The following COL14A1 variants were observed in gnomAD, a reference collection of about 807,000 sequenced individuals.
COL14A1 encodes collagen alpha-1(XIV) chain.
COL14A1 carries 136 observed loss-of-function variants against 230.3 expected under a neutral mutation model. That is an observed-to-expected ratio of 0.59 (90% CI 0.51 to 0.68). COL14A1 has a LOEUF of 0.68. COL14A1 is among the 30% of genes least tolerant of loss of function. COL14A1 has a pLI of 0.00. For missense variants in COL14A1, 1,976 were observed against 2,215.8 expected (o/e 0.89, Z 2.17); for synonymous variants, 792 against 784.1 (o/e 1.01, Z -0.17).
chr8:120,361,179 A>G (rs192907098), intron 45 of COL14A1, among the ~76,000 whole-genome samples: 1 of 152,258 alleles, frequency 6.6e-6, no homozygotes, highest in Non-Finnish European at 1.5e-5. Flanking sequence ...CATGTTACCA[A>G]GTGTCTGTAT....
At chr8:120,131,069 G>T (rs977346542) in intron 1 of COL14A1, among the ~76,000 whole-genome samples, 1 of 152,168 alleles carries the variant, frequency 6.6e-6, no homozygotes, top group Non-Finnish European at 1.5e-5. Context: ...TTATGGCTGT[G>T]TAGTATTCCA....
chr8:120,360,738 A>T (rs1289504633), intron 45 of COL14A1, among the ~76,000 whole-genome samples: 2 of 152,178 alleles, frequency 1.3e-5, no homozygotes, highest in African/African-American at 4.8e-5. Flanking sequence ...GACCTGCTAC[A>T]TGCAGGAGGG....
chr8:120,350,159 G>T (rs1030933265), intron 45 of COL14A1, among the ~76,000 whole-genome samples: 43 of 152,068 alleles, frequency 2.8e-4, no homozygotes, highest in African/African-American at 8.0e-4. Context: ...GAAGGAGAAA[G>T]AAAATACTTT....
chr8:120,204,301 C>T (rs1156621759), intron 9 of COL14A1, among the ~76,000 whole-genome samples: 1 of 152,182 alleles, frequency 6.6e-6, no homozygotes, highest in Non-Finnish European at 1.5e-5. Context: ...AGGATCACTC[C>T]TGTTCCCTTT....
At chr8:120,224,966 C>A in intron 14 of COL14A1, 122 bp from the exon 15 acceptor site, 1 of 820,398 alleles carries the variant, frequency 1.2e-6, no homozygotes, top group Non-Finnish European at 1.8e-6. Context: ...TTTTATAATT[C>A]AGTAATTTGT....
chr8:120,335,359 C>T (rs1261146510), intron 42 of COL14A1, among the ~76,000 whole-genome samples: 2 of 152,140 alleles, frequency 1.3e-5, no homozygotes, highest in Admixed American at 1.3e-4. Flanking sequence ...CAGGAGGGGC[C>T]CTTGTGCCAT....
At chr8:120,206,000 G>A (rs1296547926) in intron 9 of COL14A1, among the ~76,000 whole-genome samples, 1 of 152,086 alleles carries the variant, frequency 6.6e-6, no homozygotes, top group African/African-American at 2.4e-5. Flanking sequence ...ACACACAAAT[G>A]CTTACCTAGT....
At chr8:120,148,010 C>G in intron 2 of COL14A1, 80 bp downstream of exon 2, 1 of 1,037,634 alleles carries the variant, frequency 9.6e-7, no homozygotes, top group Non-Finnish European at 1.4e-6. Flanking sequence ...TTTATTTATC[C>G]TAACAATATG....
In COL14A1 at chr8:120,345,209, C is replaced by T. The variant is rs117314287; in HGVS notation, c.4889-166C>T. Among the ~76,000 whole-genome samples, 520 of 152,136 alleles carry T rather than the reference C, an allele frequency of 3.4e-3. 3 individuals carry two copies. The highest frequency in any genetic ancestry group is 6.0e-3 in the Non-Finnish European group (405 of 67,986). On this transcript the variant is annotated intron_variant, in intron 44 of 47. Transcript: ENST00000297848. ...GCCCTTAATATCATCCAGAGTAAAA[C>T]GTAAAAAAATGTTAAGCTGGAAATC...
At chr8:120,180,695 G>A (rs1054670209) in intron 5 of COL14A1, among the ~76,000 whole-genome samples, 1 of 143,426 alleles carries the variant, frequency 7.0e-6, no homozygotes, top group Non-Finnish European at 1.5e-5. Context: ...TCATATGGTA[G>A]GAAGCCTTTT....
At chr8:120,353,502 G>T (rs1483867339) in intron 45 of COL14A1, among the ~76,000 whole-genome samples, 1 of 143,864 alleles carries the variant, frequency 7.0e-6, no homozygotes, top group Non-Finnish European at 1.5e-5. Flanking sequence ...CTGACAAAGG[G>T]CTAATATCCA....
chr8:120,154,839 G>T (rs1270594748), intron 2 of COL14A1, among the ~76,000 whole-genome samples: 3 of 152,082 alleles, frequency 2.0e-5, no homozygotes, highest in Non-Finnish European at 4.4e-5. Context: ...CATGGGTCTG[G>T]TATAAAATGT....
At chr8:120,250,803 G>T (rs754210771) in intron 22 of COL14A1, 37 bp downstream of exon 22, 13 of 1,609,720 alleles carry the variant, frequency 8.1e-6, no homozygotes, top group Non-Finnish European at 1.0e-5. Context: ...CCGCATATGG[G>T]TTTTTGTTTT....
At chr8:120,301,191 C>G (rs1161074259) in intron 36 of COL14A1, among the ~76,000 whole-genome samples, 1 of 151,860 alleles carries the variant, frequency 6.6e-6, no homozygotes, top group Non-Finnish European at 1.5e-5. Context: ...TGTCCACTTT[C>G]TCTCTTTTTT....
intron 19 of COL14A1, among the ~76,000 whole-genome samples, chr8:120,235,620 G>A (rs1369411893): frequency 6.6e-6 from 1 of 151,988 alleles, no homozygotes; most frequent in Non-Finnish European, 1.5e-5. Context: ...ATCTCCTTCA[G>A]TTCTGCTCTG....
chr8:120,246,944 C>T (rs1370124428), intron 20 of COL14A1, among the ~76,000 whole-genome samples: 1 of 152,086 alleles, frequency 6.6e-6, no homozygotes, highest in Non-Finnish European at 1.5e-5. Context: ...ATGAACACAC[C>T]CCCAGTATTG....
Position 120,252,501 on chromosome 8 carries a change from G to A in COL14A1, c.2752+1735G>A, listed in dbSNP as rs142750574. Among the ~76,000 whole-genome samples the A allele has an allele frequency of 4.6e-5, 7 of 152,298 alleles. No individual in the cohort carries two copies. The East Asian group carries it at 7.7e-4, about 17-fold the overall frequency. ...GTCCTGAGTGCAATCAACAGCACAT[G>A]CCCCACTCTTGAGATCATAGTCATG... is the stretch of plus-strand genomic sequence containing the variant. On this transcript the variant is annotated intron_variant, in intron 22 of 47. Coordinates refer to ENST00000297848, the MANE Select transcript of COL14A1 (RefSeq NM_021110.4).
intron 1 of COL14A1, among the ~76,000 whole-genome samples, chr8:120,130,372 T>G (rs141958815): frequency 6.6e-6 from 1 of 152,354 alleles, no homozygotes; most frequent in East Asian, 1.9e-4. Flanking sequence ...GTATCCTTTC[T>G]GCCTTTATAC....
intron 5 of COL14A1, among the ~76,000 whole-genome samples, chr8:120,196,188 A>G (rs16893639): frequency 0.21 from 31,914 of 152,202 alleles, 3,816 homozygotes; most frequent in East Asian, 0.46. Context: ...TCACATACAC[A>G]TAATATGCAA....
Sources: gnomAD v4.1 joint callset for allele counts (sites outside exome capture counted in the v4.1 genomes callset) on GRCh38, gnomAD v4.1.1 for gene constraint, MANE v1.5 for transcripts, NCBI Gene and HGNC (gene_info 2026-07-23, HGNC 2026-07-21) for gene names.